CSMD1: variants seen among roughly 807,000 people sequenced by gnomAD.
CSMD1 encodes CUB and sushi domain-containing protein 1.
CSMD1 carries 213 observed loss-of-function variants against 417.5 expected under a neutral mutation model. The observed-to-expected ratio is 0.51, with a 90% confidence interval of 0.46 to 0.57. The LOEUF (loss-of-function observed/expected upper bound fraction) is 0.57, where lower values mean the gene tolerates loss of function less well. CSMD1 is among the 20% of genes least tolerant of loss of function. The pLI, the probability that CSMD1 is intolerant of heterozygous loss-of-function variation, is 0.00. For missense variants in CSMD1, 6,923 were observed against 4,529.7 expected, an observed-to-expected ratio of 1.53 and a Z score of -15.17; for synonymous variants, 2,862 against 1,736.8, an observed-to-expected ratio of 1.65 and a Z score of -16.11.
chr8:3,840,578 G>A (rs75272748), intron 5 of CSMD1, among the ~76,000 whole-genome samples: 13,641 of 151,944 alleles, frequency 0.09, 1,076 homozygotes, highest in African/African-American at 0.21. Flanking sequence ...CTTATTTCAA[G>A]TTAAAACATG....
At chr8:4,859,862 G>T (rs570026495) in intron 1 of CSMD1, among the ~76,000 whole-genome samples, 2 of 152,110 alleles carry the variant, frequency 1.3e-5, no homozygotes, top group Non-Finnish European at 2.9e-5. Context: ...CGATTCCTCA[G>T]GGATGTAGAA....
intron 21 of CSMD1, among the ~76,000 whole-genome samples, chr8:3,353,283 G>A (rs932831438): frequency 6.6e-6 from 1 of 152,128 alleles, no homozygotes; most frequent in Non-Finnish European, 1.5e-5. Flanking sequence ...ACTTTTGGAG[G>A]CATGTCTTCT....
At chr8:3,428,914 T>C (rs1814028252) in intron 12 of CSMD1, among the ~76,000 whole-genome samples, 2 of 152,230 alleles carry the variant, frequency 1.3e-5, no homozygotes, top group South Asian at 4.1e-4. Flanking sequence ...AAGGACACTT[T>C]GTTAAGTAAA....
chr8:4,021,742 C>T (rs1001338288), intron 4 of CSMD1, among the ~76,000 whole-genome samples: 6 of 152,096 alleles, frequency 3.9e-5, no homozygotes, highest in African/African-American at 4.8e-5. Context: ...TACCTATCCC[C>T]GTCCCCTCCC....
At chr8:3,996,754 C>T (rs1815254708) in intron 5 of CSMD1, among the ~76,000 whole-genome samples, 2 of 152,118 alleles carry the variant, frequency 1.3e-5, no homozygotes, top group East Asian at 1.9e-4. Context: ...TTCCTCCCTC[C>T]TATTTGAAAT....
rs555811442 is a variant in CSMD1 at position 4,298,181 on chromosome 8, AT to A, written c.415+121771del. Among the ~76,000 whole-genome samples the A allele has an allele frequency of 3.8e-4, 58 of 152,262 alleles. 1 individual carries two copies. The South Asian group carries it at 0.011, about 29-fold the overall frequency. On this transcript the variant is annotated intron_variant, in intron 3 of 69. Coordinates refer to ENST00000635120, the MANE Select transcript of CSMD1 (RefSeq NM_033225.6). Reference sequence around the variant, plus strand: ...GTTTAGAAAAACATAATTTTGAGGAATCTGCCTTAGTTAAATGAAGTTTCCA... The same window carrying A: ...GTTTAGAAAAACATAATTTTGAGGAACTGCCTTAGTTAAATGAAGTTTCCA...
At chr8:4,579,931 C>T (rs1003686588) in intron 2 of CSMD1, among the ~76,000 whole-genome samples, 9 of 152,078 alleles carry the variant, frequency 5.9e-5, no homozygotes, top group African/African-American at 1.9e-4. Context: ...ATGCATAGCT[C>T]GATTTCCTGT....
chr8:4,438,578 C>T (rs1021635794), intron 2 of CSMD1, among the ~76,000 whole-genome samples: 6 of 152,096 alleles, frequency 3.9e-5, no homozygotes, highest in African/African-American at 1.2e-4. Context: ...GTGTGGGGAG[C>T]CCTGCACAGT....
At chr8:3,602,716 TACACACACAC>T (rs34593924) in intron 8 of CSMD1, among the ~76,000 whole-genome samples, 4 of 146,612 alleles carry the variant, frequency 2.7e-5, no homozygotes, top group Admixed American at 6.8e-5. Flanking sequence ...CAGGAAGAAT[TACACACACAC>T]ACACACACAC....
At chr8:4,383,973 A>T (rs575474747) in intron 3 of CSMD1, among the ~76,000 whole-genome samples, 2 of 152,310 alleles carry the variant, frequency 1.3e-5, no homozygotes, top group South Asian at 4.1e-4. Flanking sequence ...TCTCAACAGC[A>T]TACCCTTTAA....
intron 23 of CSMD1, among the ~76,000 whole-genome samples, chr8:3,309,932 G>A (rs971211670): frequency 6.6e-6 from 1 of 152,054 alleles, no homozygotes; most frequent in African/African-American, 2.4e-5. Context: ...CTTCCATAAA[G>A]TTTCCTTCCA....
intron 5 of CSMD1, among the ~76,000 whole-genome samples, chr8:3,764,814 T>G (rs1798185836): frequency 6.6e-6 from 1 of 151,410 alleles, no homozygotes; most frequent in African/African-American, 2.4e-5. Flanking sequence ...GGGCACCATC[T>G]TGGCTCAGTG....
At chr8:4,281,605 G>A (rs1226487183) in intron 3 of CSMD1, among the ~76,000 whole-genome samples, 2 of 152,048 alleles carry the variant, frequency 1.3e-5, no homozygotes, top group African/African-American at 4.8e-5. Flanking sequence ...AGTATGTATA[G>A]CCAAAAGTTA....
In CSMD1 at chr8:4,962,112, TTG is replaced by T. The variant is rs1300951670; in HGVS notation, c.85+32218_85+32219del. The stretch of plus-strand genomic sequence containing the variant: ...ATGCATGTAAGTATGTATTTTTTTG[TTG>T]TTTTTTTTTTGTATTGGAGGCTTTT... On this transcript the variant is annotated intron_variant, in intron 1 of 69. Transcript: ENST00000635120. Among the ~76,000 whole-genome samples the T allele has an allele frequency of 1.0e-4, 7 of 68,324 alleles. No homozygotes were observed. In the South Asian group the frequency reaches 1.8e-3, roughly 18 times the overall value. The allele number at this position is 68,324 out of a possible 152,430, so 44.8% of individuals were successfully genotyped here.
intron 3 of CSMD1, among the ~76,000 whole-genome samples, chr8:4,103,370 A>G (rs183286641): frequency 4.0e-5 from 6 of 151,604 alleles, no homozygotes; most frequent in Admixed American, 6.6e-5. Flanking sequence ...CAGATCTCCA[A>G]TGATTTTCAG....
chr8:3,123,696 A>C (rs949214497), intron 41 of CSMD1, among the ~76,000 whole-genome samples: 3 of 152,238 alleles, frequency 2.0e-5, no homozygotes, highest in African/African-American at 4.8e-5. Flanking sequence ...TCTTCATTAG[A>C]AGATTTCATC....
chr8:3,734,254 T>A (rs538492377), intron 6 of CSMD1, among the ~76,000 whole-genome samples: 2 of 152,320 alleles, frequency 1.3e-5, no homozygotes, highest in Non-Finnish European at 1.5e-5. Flanking sequence ...CTCAGCACCA[T>A]TCCATGTTTC....
chr8:2,973,761 G>A (rs1408689732), intron 56 of CSMD1, among the ~76,000 whole-genome samples: 1 of 152,036 alleles, frequency 6.6e-6, no homozygotes, highest in African/African-American at 2.4e-5. Flanking sequence ...AAACATTCGT[G>A]AAAAAAATAA....
intron 50 of CSMD1, among the ~76,000 whole-genome samples, chr8:3,040,564 G>C (rs1253825248): frequency 6.6e-6 from 1 of 151,806 alleles, no homozygotes; most frequent in African/African-American, 2.4e-5. Flanking sequence ...CAGCACTTTG[G>C]GAGGACGAGG....
Sources: allele counts gnomAD v4.1 joint callset (sites outside exome capture counted in the v4.1 genomes callset), GRCh38; gene constraint gnomAD v4.1.1; transcripts MANE v1.5; gene names NCBI Gene and HGNC (gene_info 2026-07-23, HGNC 2026-07-21).